DACH2: variants seen among roughly 807,000 people sequenced by gnomAD.
DACH2 encodes the protein dachshund family transcription factor 2, also known as dachshund homolog 2.
A neutral mutation model predicts 35.8 loss-of-function variants in DACH2; 17 were observed. The observed-to-expected ratio is 0.48, with a 90% CI of 0.33 to 0.71. DACH2 has a LOEUF of 0.71. Ranked by LOEUF, DACH2 falls within the 30% of genes least tolerant of loss-of-function variation. The pLI is 0.02. For missense variants in DACH2, 469 were observed against 472.7 expected (o/e 0.99, Z 0.07); for synonymous variants, 195 against 177.3 (o/e 1.10, Z -0.79).
chrX:86,463,612 T>G (rs935713144), intron 2 of DACH2, among the ~76,000 whole-genome samples: 1 of 111,302 alleles, frequency 9.0e-6, no homozygotes, highest in African/African-American at 3.3e-5. Flanking sequence ...GACACAGGCA[T>G]GGGCAAAGAC....
intron 2 of DACH2, among the ~76,000 whole-genome samples, chrX:86,458,514 A>G (rs1464450067): frequency 9.0e-6 from 1 of 111,563 alleles, no homozygotes; most frequent in South Asian, 3.7e-4. Context: ...ATACAATATT[A>G]TCCATAATGG....
At chrX:86,496,844 G>T (rs2038179332) in intron 2 of DACH2, among the ~76,000 whole-genome samples, 1 of 111,294 alleles carries the variant, frequency 9.0e-6, no homozygotes, top group African/African-American at 3.3e-5. Context: ...GCCCAGGTAA[G>T]GATTCACTTG....
At chrX:86,172,431 G>A (rs2031155132) in intron 1 of DACH2, among the ~76,000 whole-genome samples, 1 of 111,832 alleles carries the variant, frequency 8.9e-6, no homozygotes, top group Non-Finnish European at 1.9e-5. Flanking sequence ...GCAGTTCTCA[G>A]GCTGCAAGGT....
intron 6 of DACH2, among the ~76,000 whole-genome samples, chrX:86,737,974 C>T (rs2041613984): frequency 9.0e-6 from 1 of 111,140 alleles, no homozygotes; most frequent in Non-Finnish European, 1.9e-5. Flanking sequence ...TCTCTTTGCT[C>T]ATGGCTCCCT....
intron 7 of DACH2, among the ~76,000 whole-genome samples, chrX:86,810,894 C>A (rs1399278276): frequency 9.0e-6 from 1 of 110,964 alleles, no homozygotes; most frequent in South Asian, 3.7e-4. Flanking sequence ...AAGAGTTTAG[C>A]GTTAATTTTA....
intron 1 of DACH2, among the ~76,000 whole-genome samples, chrX:86,168,672 G>T (rs2031024055): frequency 2.0e-5 from 2 of 99,714 alleles, no homozygotes; most frequent in Non-Finnish European, 2.1e-5. Flanking sequence ...TGTCTCTTTT[G>T]CATGTCTTTT....
At chrX:86,246,106 A>G (rs1353274914) in intron 1 of DACH2, among the ~76,000 whole-genome samples, 1 of 111,615 alleles carries the variant, frequency 9.0e-6, no homozygotes, top group Non-Finnish European at 1.9e-5. Context: ...CACCTCAATC[A>G]AATAAAAATA....
At chrX:86,547,524 AAC>A (rs751559427) in intron 3 of DACH2, among the ~76,000 whole-genome samples, 35,703 of 90,341 alleles carry the variant, frequency 0.4, 6,087 homozygotes, top group East Asian at 0.65. Context: ...CGTGCTGCAG[AAC>A]ACACACACAC....
chrX:86,715,057 C>A (rs1384641445), intron 6 of DACH2, among the ~76,000 whole-genome samples: 1 of 111,398 alleles, frequency 9.0e-6, no homozygotes, highest in Non-Finnish European at 1.9e-5. Flanking sequence ...CACTGTGCAT[C>A]TTTTTGGAGT....
intron 2 of DACH2, among the ~76,000 whole-genome samples, chrX:86,466,708 T>C (rs917291736): frequency 8.9e-6 from 1 of 111,889 alleles, no homozygotes; most frequent in Non-Finnish European, 1.9e-5. Context: ...TCTAGGCATT[T>C]CCATACATCC....
chrX:86,198,739 C>T (rs929253137), intron 1 of DACH2, among the ~76,000 whole-genome samples: 3 of 110,851 alleles, frequency 2.7e-5, no homozygotes, highest in Non-Finnish European at 5.7e-5. Flanking sequence ...CTCAAATAGA[C>T]CAATAATGAG....
intron 1 of DACH2, among the ~76,000 whole-genome samples, chrX:86,349,387 C>G (rs969763297): frequency 2.7e-5 from 3 of 111,824 alleles, no homozygotes; most frequent in Non-Finnish European, 5.6e-5. Context: ...GTATCTCTGC[C>G]CGCTAGGGTC....
At chrX:86,542,145 G>A (rs67515727) in intron 3 of DACH2, among the ~76,000 whole-genome samples, 2,433 of 111,054 alleles carry the variant, frequency 0.022, 62 homozygotes, top group African/African-American at 0.075. Flanking sequence ...CTGCGTGTTT[G>A]CTTCTCCACC....
intron 3 of DACH2, among the ~76,000 whole-genome samples, chrX:86,580,111 C>G (rs1602666600): frequency 8.9e-6 from 1 of 111,842 alleles, no homozygotes; most frequent in Non-Finnish European, 1.9e-5. Context: ...ACCAGGAGCT[C>G]TTACTTGAGT....
chrX:86,201,951 G>A (rs1483637695), intron 1 of DACH2, among the ~76,000 whole-genome samples: 1 of 110,926 alleles, frequency 9.0e-6, no homozygotes, highest in Non-Finnish European at 1.9e-5. Flanking sequence ...TATAAAAGGG[G>A]AATTATAACC....
At chrX:86,262,851 A>G (rs2033651068) in intron 1 of DACH2, 12 of 278,819 alleles carry the variant, frequency 4.3e-5, no homozygotes, top group Non-Finnish European at 5.9e-5. Context: ...TGCAGGGATG[A>G]ACAAATTGGA....
At chrX:86,432,626 T>C (rs1427926304) in intron 2 of DACH2, among the ~76,000 whole-genome samples, 1 of 112,039 alleles carries the variant, frequency 8.9e-6, no homozygotes, top group East Asian at 2.8e-4. Context: ...TGTGACACTA[T>C]GCATTGGAGA....
intron 1 of DACH2, among the ~76,000 whole-genome samples, chrX:86,170,414 T>C (rs2031086777): frequency 8.9e-6 from 1 of 111,994 alleles, no homozygotes. Context: ...GCATGACTTG[T>C]GTTCTTCCCT....
At chrX:86,295,285 G>A (rs1383987080) in intron 1 of DACH2, among the ~76,000 whole-genome samples, 3 of 111,875 alleles carry the variant, frequency 2.7e-5, no homozygotes, top group South Asian at 3.8e-4. Context: ...GCTCGCGCAC[G>A]GTGCGCGCAC....
Sources: gnomAD v4.1 joint callset for allele counts (sites outside exome capture counted in the v4.1 genomes callset) on GRCh38, gnomAD v4.1.1 for gene constraint, MANE v1.5 for transcripts, NCBI Gene and HGNC (gene_info 2026-07-23, HGNC 2026-07-21) for gene names.